Variants in LCORL observed in about 807,000 individuals in gnomAD.
LCORL encodes ligand-dependent nuclear receptor corepressor-like protein.
In LCORL, 41 loss-of-function variants were observed where a neutral mutation model predicts 141.8. The ratio of observed to expected loss-of-function variants is 0.29; its 90% CI spans 0.23 to 0.38. The LOEUF is 0.38. Among genes scored for constraint, LCORL ranks in the 10% least tolerant of loss-of-function variants. The pLI is 1.00. For synonymous variants in LCORL, 618 were observed against 694.1 expected, an observed-to-expected ratio of 0.89 and a Z score of 1.72; for missense variants, 1,759 against 2,035.0, an observed-to-expected ratio of 0.86 and a Z score of 2.61.
rs1447537278 is a variant in LCORL at position 18,021,849 on chromosome 4, C to T, written c.-98G>A. 11 of 1,345,842 alleles carry T rather than the reference C, an allele frequency of 8.2e-6. No individual in the cohort carries two copies. In the East Asian group the frequency reaches 8.9e-5, roughly 11 times the overall value. The allele number at this position is 1,345,842 out of a possible 1,614,324, so 83.4% of individuals were successfully genotyped here. On this transcript the variant is annotated 5_prime_UTR_variant, in exon 1 of 8. Transcript: ENST00000635767. The surrounding 1 kb of genome is among the most constrained non-coding windows in gnomAD (Gnocchi z 5.5). The stretch of plus-strand genomic sequence containing the variant: ...CGCGAGCCCCGGAGCGCGCGCCCCC[C>T]GGAGGGGGGTTGATTGACACGTGTC...
At chr4:18,006,885 T>G (rs1722904346) in intron 1 of LCORL, among the ~76,000 whole-genome samples, 1 of 152,196 alleles carries the variant, frequency 6.6e-6, no homozygotes, top group Non-Finnish European at 1.5e-5. Context: ...ATGCTCTATA[T>G]CCTACTCTGG....
exon 7 of LCORL, chr4:17,875,790 C>T: frequency 8.1e-7 from 1 of 1,231,092 alleles, no homozygotes; most frequent in African/African-American, 1.6e-5. Context: ...AGTAGCACTG[C>T]TTGAATTGTC....
rs1360462998 is a variant in LCORL, at chr4:17,884,665, C to G, written c.776+1403G>C. ...CTTTATTTATGTCCAGTGCTCCAGA[C>G]TGAATGTCTTTCAAAGCTTTTGAGA... On this transcript the variant is annotated intron_variant, in intron 6 of 7. Transcript: ENST00000635767. The surrounding 1 kb of genome is among the most constrained non-coding windows in gnomAD (Gnocchi z 4.4). 2.0e-5 allele frequency: 31 copies of G among 1,537,094 alleles called. No individual in the cohort carries two copies. The highest frequency in any genetic ancestry group is 2.5e-5 in the Non-Finnish European group (29 of 1,142,536).
intron 1 of LCORL, among the ~76,000 whole-genome samples, chr4:18,012,377 G>A (rs1723938984): frequency 6.6e-6 from 1 of 152,188 alleles, no homozygotes; most frequent in African/African-American, 2.4e-5. Context: ...GAGTCAGGCA[G>A]TAGGGCAATC....
chr4:17,973,137 A>G (rs559040098), intron 1 of LCORL, among the ~76,000 whole-genome samples: 1 of 151,984 alleles, frequency 6.6e-6, no homozygotes, highest in South Asian at 2.1e-4. Context: ...AAACAACTTT[A>G]TCATTTATAA....
chr4:17,882,605 T>C (rs1727718697), intron 6 of LCORL: 1 of 984,640 alleles, frequency 1.0e-6, no homozygotes, highest in Non-Finnish European at 1.2e-6. Context: ...TTCAAGACCC[T>C]GAACAAACTG....
chr4:17,936,264 T>C (rs981187051), intron 4 of LCORL, among the ~76,000 whole-genome samples: 5 of 151,374 alleles, frequency 3.3e-5, no homozygotes, highest in Non-Finnish European at 5.9e-5. Flanking sequence ...CTTTTTGAAA[T>C]GTTAAAAATA....
At chr4:17,896,043 CTT>C (rs750277098) in intron 5 of LCORL, among the ~76,000 whole-genome samples, 4 of 152,276 alleles carry the variant, frequency 2.6e-5, no homozygotes, top group South Asian at 2.1e-4. Flanking sequence ...TTTCGATTCT[CTT>C]GAGTAGGTTC....
intron 4 of LCORL, among the ~76,000 whole-genome samples, chr4:17,940,292 G>A (rs1335311814): frequency 1.3e-5 from 2 of 148,594 alleles, no homozygotes; most frequent in African/African-American, 4.9e-5. Flanking sequence ...AATAGTAAAG[G>A]AGGTAAACAG....
intron 7 of LCORL, among the ~76,000 whole-genome samples, chr4:17,853,975 G>A (rs1001372663): frequency 1.5e-4 from 23 of 152,112 alleles, no homozygotes; most frequent in Admixed American, 1.2e-3. Flanking sequence ...TAAATTACCA[G>A]AATAAAACAG....
At chr4:17,941,996 T>C (rs749159109) in intron 4 of LCORL, among the ~76,000 whole-genome samples, 1 of 152,190 alleles carries the variant, frequency 6.6e-6, no homozygotes, top group Non-Finnish European at 1.5e-5. Context: ...GTCTAGAGGC[T>C]ATTGTGGAGA....
intron 4 of LCORL, among the ~76,000 whole-genome samples, chr4:17,951,284 T>C (rs577401744): frequency 1.3e-5 from 2 of 152,350 alleles, no homozygotes; most frequent in East Asian, 3.9e-4. Flanking sequence ...TGTTCATTGG[T>C]GAAGTTAACT....
chr4:17,917,892 C>A (rs1160057628), intron 4 of LCORL, among the ~76,000 whole-genome samples: 3 of 152,190 alleles, frequency 2.0e-5, no homozygotes, highest in Non-Finnish European at 4.4e-5. Flanking sequence ...GCTATCATGG[C>A]ACTTTAAATT....
At chr4:17,926,498 A>G (rs1282929094) in intron 4 of LCORL, among the ~76,000 whole-genome samples, 3 of 152,226 alleles carry the variant, frequency 2.0e-5, no homozygotes, top group Non-Finnish European at 4.4e-5. Context: ...ATGGTTTGAC[A>G]GGGGCTCTCA....
At chr4:17,898,105 C>T (rs1730271461) in intron 5 of LCORL, among the ~76,000 whole-genome samples, 1 of 151,992 alleles carries the variant, frequency 6.6e-6, no homozygotes, top group Non-Finnish European at 1.5e-5. Context: ...AACATGATTA[C>T]ATATTTGGTT....
intron 5 of LCORL, among the ~76,000 whole-genome samples, chr4:17,900,074 C>T (rs1353380491): frequency 3.9e-5 from 6 of 152,182 alleles, no homozygotes. Context: ...CAACAGAGGA[C>T]ACTAATTTCT....
intron 1 of LCORL, among the ~76,000 whole-genome samples, chr4:18,010,706 C>T (rs1723611580): frequency 6.6e-6 from 1 of 152,118 alleles, no homozygotes; most frequent in Non-Finnish European, 1.5e-5. Context: ...CCTGTCTCAG[C>T]TTCCCAAAGC....
intron 7 of LCORL, among the ~76,000 whole-genome samples, chr4:17,858,729 AAATAAT>A (rs567498935): frequency 4.0e-4 from 60 of 149,160 alleles, no homozygotes; most frequent in Admixed American, 6.7e-4. Context: ...ACTCCATCTC[AAATAAT>A]AATAATAATA....
intron 4 of LCORL, among the ~76,000 whole-genome samples, chr4:17,919,450 C>A (rs983917679): frequency 6.6e-6 from 1 of 152,044 alleles, no homozygotes; most frequent in Non-Finnish European, 1.5e-5. Flanking sequence ...ATAAAAAAAA[C>A]CTATCCATTA....
Sources: gnomAD v4.1 joint callset for allele counts (sites outside exome capture counted in the v4.1 genomes callset) on GRCh38, gnomAD v4.1.1 for gene constraint, Gnocchi (gnomAD v3.1) non-coding constraint, MANE v1.5 for transcripts, NCBI Gene and HGNC (gene_info 2026-07-23, HGNC 2026-07-21) for gene names.